KCNIP4: variants seen among roughly 807,000 people sequenced by gnomAD.
KCNIP4 encodes the protein potassium voltage-gated channel interacting protein 4.
Under a neutral mutation model 34.0 loss-of-function variants are expected in KCNIP4, and 12 were observed. That is an observed-to-expected ratio of 0.35 (90% CI 0.23 to 0.57). The LOEUF (loss-of-function observed/expected upper bound fraction) is 0.57, where lower values mean the gene tolerates loss of function less well. KCNIP4 is among the 20% of genes least tolerant of loss of function. The pLI, the probability that KCNIP4 is intolerant of heterozygous loss-of-function variation, is 0.83. For synonymous variants in KCNIP4, 124 were observed against 102.2 expected (o/e 1.21, Z -1.29); for missense variants, 238 against 311.7 (o/e 0.76, Z 1.78).
intron 1 of KCNIP4, among the ~76,000 whole-genome samples, chr4:21,505,073 A>G (rs754285064): frequency 1.2e-4 from 19 of 152,208 alleles, no homozygotes; most frequent in Non-Finnish European, 4.4e-5. Flanking sequence ...TGATGATGGT[A>G]TCATATAGCC....
In KCNIP4 at chr4:21,632,820, A is replaced by G. The variant is rs1188365119; in HGVS notation, c.61+315751T>C. Reference sequence around the variant, plus strand: ...TCCAGCGTAAAGTAATGTCAGCTAAATATTTTGGGAACACTCTTCAAGAAT... The same window carrying G: ...TCCAGCGTAAAGTAATGTCAGCTAAGTATTTTGGGAACACTCTTCAAGAAT... On this transcript the variant is annotated intron_variant, in intron 1 of 8. Transcript: ENST00000382152. Among the ~76,000 whole-genome samples the G allele has an allele frequency of 4.6e-5, 7 of 152,300 alleles. No homozygotes were observed. The South Asian group carries it at 8.3e-4, about 18-fold the overall frequency.
At chr4:20,994,435 G>A (rs1375367428) in intron 1 of KCNIP4, among the ~76,000 whole-genome samples, 1 of 152,186 alleles carries the variant, frequency 6.6e-6, no homozygotes, top group Non-Finnish European at 1.5e-5. Context: ...GAAGGAAAGG[G>A]CAGCTTTAAT....
At chr4:20,969,523 C>T (rs1030336912) in intron 1 of KCNIP4, among the ~76,000 whole-genome samples, 3 of 151,526 alleles carry the variant, frequency 2.0e-5, no homozygotes, top group Admixed American at 1.3e-4. Context: ...ATTTGTGTGT[C>T]CCTTTTGACA....
chr4:21,752,933 T>A (rs1717251128), intron 1 of KCNIP4, among the ~76,000 whole-genome samples: 1 of 152,226 alleles, frequency 6.6e-6, no homozygotes, highest in African/African-American at 2.4e-5. Context: ...GAGATACCCC[T>A]GCTGCATAGC....
chr4:21,498,332 G>A (rs985173718), intron 1 of KCNIP4, among the ~76,000 whole-genome samples: 1 of 151,988 alleles, frequency 6.6e-6, no homozygotes, highest in Non-Finnish European at 1.5e-5. Flanking sequence ...TTAAATATGT[G>A]CCTCACAACA....
intron 1 of KCNIP4, among the ~76,000 whole-genome samples, chr4:21,678,828 T>C (rs981420537): frequency 1.3e-5 from 2 of 152,184 alleles, no homozygotes; most frequent in African/African-American, 2.4e-5. Context: ...CATCCCAAAC[T>C]TGTTTGTTGA....
At chr4:21,296,541 G>A (rs559510881) in intron 1 of KCNIP4, among the ~76,000 whole-genome samples, 89 of 151,498 alleles carry the variant, frequency 5.9e-4, no homozygotes, top group Non-Finnish European at 1.1e-3. Context: ...AGCAGGAGAG[G>A]GAGGTGCTAT....
At chr4:21,798,368 A>G (rs1276435054) in intron 1 of KCNIP4, among the ~76,000 whole-genome samples, 2 of 144,470 alleles carry the variant, frequency 1.4e-5, no homozygotes, top group African/African-American at 2.5e-5. Context: ...CCTGGGCAAC[A>G]TGGCGGAACC....
At position 20,769,051 on chromosome 4, in the gene KCNIP4, A is replaced by C. The variant is rs549495657; in HGVS notation, c.289-10161T>G. 5.4e-5 allele frequency among the ~76,000 whole-genome samples: 8 copies of C among 149,070 alleles called. No homozygotes were observed. In the East Asian group the frequency reaches 1.6e-3, roughly 30 times the overall value. Reference sequence around the variant, plus strand: ...TGCCCTCTAACCATATGGAAGAAGGAAATCACATGAGATTTACAGCCAAAA... The same window carrying C: ...TGCCCTCTAACCATATGGAAGAAGGCAATCACATGAGATTTACAGCCAAAA... On this transcript the variant is annotated intron_variant, in intron 3 of 8. Transcript: ENST00000382152.
chr4:21,303,999 A>G, intron 1 of KCNIP4: 3 of 1,347,076 alleles, frequency 2.2e-6, no homozygotes, highest in Non-Finnish European at 2.9e-6. Flanking sequence ...TAAGAAGGCT[A>G]CTGCTGGAGA....
At chr4:21,316,537 A>C (rs1713781364) in intron 1 of KCNIP4, 1 of 152,214 alleles carries the variant, frequency 6.6e-6, no homozygotes, top group Non-Finnish European at 1.5e-5. Context: ...TTTAATCATT[A>C]ACACCATGAT....
intron 1 of KCNIP4, among the ~76,000 whole-genome samples, chr4:21,063,359 C>A (rs1377151392): frequency 1.3e-5 from 2 of 152,130 alleles, no homozygotes; most frequent in African/African-American, 4.8e-5. Flanking sequence ...GTAAACAAAC[C>A]CTGCTACTTG....
chr4:21,484,841 A>G (rs1222382795), intron 1 of KCNIP4, among the ~76,000 whole-genome samples: 1 of 152,042 alleles, frequency 6.6e-6, no homozygotes, highest in Non-Finnish European at 1.5e-5. Flanking sequence ...TTATTTATTT[A>G]CTCATCTGAC....
rs1717611668 is a variant in KCNIP4, at chr4:21,757,146, AGAAAGAAAGAAAGAAAGAAAGAAGGAAG to A, written c.61+191397_61+191424del. Among the ~76,000 whole-genome samples, 5 of 25,658 alleles carry A rather than the reference AGAAAGAAAGAAAGAAAGAAAGAAGGAAG, an allele frequency of 1.9e-4. No homozygotes were observed. The East Asian group carries it at 4.7e-3, about 24-fold the overall frequency. 16.8% of individuals were successfully genotyped at this position (25,658 alleles called of 152,430 possible). The stretch of plus-strand genomic sequence containing the variant: ...AAGAAAGAAAGAAAGAAAGAAAGAA[AGAAAGAAAGAAAGAAAGAAAGAAGGAAG>A]GAAGGAAGGAAGGAAGGAAGGAAGG... On this transcript the variant is annotated intron_variant, in intron 1 of 8. Coordinates refer to ENST00000382152, the MANE Select transcript of KCNIP4 (RefSeq NM_025221.6).
At chr4:21,685,725 A>T (rs1750757256) in intron 1 of KCNIP4, among the ~76,000 whole-genome samples, 1 of 152,238 alleles carries the variant, frequency 6.6e-6, no homozygotes, top group African/African-American at 2.4e-5. Flanking sequence ...GACACAAAAA[A>T]TTCGTTTATA....
chr4:21,198,560 T>A (rs1756229567), intron 1 of KCNIP4, among the ~76,000 whole-genome samples: 1 of 152,176 alleles, frequency 6.6e-6, no homozygotes, highest in Non-Finnish European at 1.5e-5. Context: ...AGGAAGGCAG[T>A]CTCCTGTATG....
intron 1 of KCNIP4, among the ~76,000 whole-genome samples, chr4:21,674,349 C>A (rs1291015451): frequency 6.6e-6 from 1 of 152,110 alleles, no homozygotes; most frequent in Non-Finnish European, 1.5e-5. Context: ...TACGTCTAAT[C>A]CAAATAAGCT....
intron 1 of KCNIP4, among the ~76,000 whole-genome samples, chr4:21,124,591 C>T (rs1003313218): frequency 5.3e-5 from 8 of 152,142 alleles, no homozygotes; most frequent in African/African-American, 1.9e-4. Context: ...TCTTTTTCTT[C>T]TTCTTTTGCT....
At chr4:21,692,970 T>G (rs2109047261) in intron 1 of KCNIP4, among the ~76,000 whole-genome samples, 1 of 150,676 alleles carries the variant, frequency 6.6e-6, no homozygotes, top group African/African-American at 2.4e-5. Context: ...GATGAGAGAG[T>G]ACATAGGAGA....
Sources: allele counts gnomAD v4.1 joint callset (sites outside exome capture counted in the v4.1 genomes callset), GRCh38; gene constraint gnomAD v4.1.1; transcripts MANE v1.5; gene names NCBI Gene and HGNC (gene_info 2026-07-23, HGNC 2026-07-21).